Variants in ELF5 observed in about 807,000 individuals in gnomAD.
ELF5 encodes ETS-related transcription factor Elf-5.
In ELF5, 31 loss-of-function variants were observed where a neutral mutation model predicts 38.2. That is an observed-to-expected ratio of 0.81 (90% confidence interval 0.61 to 1.10). ELF5 has a LOEUF of 1.10. ELF5 is among the 50% of genes least tolerant of loss of function. The pLI, the probability that ELF5 is intolerant of heterozygous loss-of-function variation, is 0.00. For synonymous variants in ELF5, 121 were observed against 112.5 expected (o/e 1.08, Z -0.48); for missense variants, 300 against 306.6 (o/e 0.98, Z 0.16).
chr11:34,500,239 A>G (rs551401258), intron 2 of ELF5, among the ~76,000 whole-genome samples: 1 of 152,322 alleles, frequency 6.6e-6, no homozygotes, highest in African/African-American at 2.4e-5. Flanking sequence ...ATTTACTAGC[A>G]TAGGGAGTTG....
chr11:34,511,610 C>G (rs751705400), intron 1 of ELF5: 1 of 1,613,824 alleles, frequency 6.2e-7, no homozygotes, highest in South Asian at 1.1e-5. Context: ...GCTTCTGAAC[C>G]CTTCTCAGAG....
intron 1 of ELF5, among the ~76,000 whole-genome samples, chr11:34,506,541 A>G (rs891705083): frequency 1.3e-5 from 2 of 152,158 alleles, no homozygotes; most frequent in Non-Finnish European, 2.9e-5. Flanking sequence ...AAAAGATGTA[A>G]TCCTGCTCTG....
At chr11:34,508,082 C>T (rs748686589) in intron 1 of ELF5, among the ~76,000 whole-genome samples, 7 of 152,118 alleles carry the variant, frequency 4.6e-5, no homozygotes, top group Non-Finnish European at 7.4e-5. Context: ...TTTAAACATA[C>T]ATAAAAATAA....
At chr11:34,510,256 C>G (rs764587544) in intron 1 of ELF5, among the ~76,000 whole-genome samples, 6 of 150,704 alleles carry the variant, frequency 4.0e-5, no homozygotes, top group Non-Finnish European at 8.9e-5. Context: ...TATTTTTCTT[C>G]TGTAATTATT....
At chr11:34,495,521 A>G (rs1453767545) in intron 2 of ELF5, among the ~76,000 whole-genome samples, 1 of 152,204 alleles carries the variant, frequency 6.6e-6, no homozygotes, top group Non-Finnish European at 1.5e-5. Context: ...GGGCTATTCC[A>G]CAAAAAAGGA....
At chr11:34,480,641 G>T (rs1489413900) in intron 6 of ELF5, 131 bp downstream of exon 6, 2 of 1,025,326 alleles carry the variant, frequency 2.0e-6, no homozygotes, top group Non-Finnish European at 2.8e-6. Context: ...CTGTAACTAA[G>T]AACCAAAGTT....
intron 2 of ELF5, among the ~76,000 whole-genome samples, chr11:34,495,727 G>A (rs1405279268): frequency 3.3e-5 from 5 of 152,246 alleles, no homozygotes; most frequent in Non-Finnish European, 7.3e-5. Flanking sequence ...GAAGAGCCAG[G>A]GAGCCGGTGA....
chr11:34,489,131 G>A (rs1256288670), intron 4 of ELF5, among the ~76,000 whole-genome samples: 4 of 152,234 alleles, frequency 2.6e-5, no homozygotes, highest in African/African-American at 9.6e-5. Flanking sequence ...TCCACGAACT[G>A]GCCATTCCTG....
In ELF5 at chr11:34,505,405, C is replaced by T. The variant is rs111462322; in HGVS notation, c.121+224G>A. Among the ~76,000 whole-genome samples the T allele has an allele frequency of 2.6e-3, 402 of 152,344 alleles. 1 individual carries two copies. Among genetic ancestry groups the T allele is most frequent in the Non-Finnish European group, 4.4e-3 (301 of 68,026 alleles). On this transcript the variant is annotated intron_variant, in intron 2 of 6. Coordinates refer to ENST00000257832, the MANE Select transcript of ELF5 (RefSeq NM_001422.4). ...TCAGAGAGGTTAGCTGAGCCGTGCA[C>T]GGCCTCGAGGCCACAGAACTAGGGA...
chr11:34,487,478 C>G (rs1850030743), intron 4 of ELF5, among the ~76,000 whole-genome samples: 1 of 152,196 alleles, frequency 6.6e-6, no homozygotes, highest in Non-Finnish European at 1.5e-5. Context: ...GCAGGAGCAT[C>G]CTGGCTAGAC....
intron 2 of ELF5, among the ~76,000 whole-genome samples, chr11:34,499,070 G>A (rs997757752): frequency 1.3e-5 from 2 of 151,178 alleles, no homozygotes; most frequent in African/African-American, 4.9e-5. Flanking sequence ...CAGCCTGGGT[G>A]ATAGGACGGA....
intron 2 of ELF5, among the ~76,000 whole-genome samples, chr11:34,495,901 G>T (rs191068361): frequency 1.3e-5 from 2 of 152,222 alleles, no homozygotes; most frequent in African/African-American, 4.8e-5. Context: ...AAACCTGAGG[G>T]GCCTTTTGGA....
At chr11:34,483,057 G>A (rs1044638111) in intron 4 of ELF5, among the ~76,000 whole-genome samples, 3 of 151,824 alleles carry the variant, frequency 2.0e-5, no homozygotes, top group African/African-American at 7.3e-5. Flanking sequence ...CGTCTCCACC[G>A]CTTCTCTTAG....
chr11:34,499,209 C>T (rs970106730), intron 2 of ELF5, among the ~76,000 whole-genome samples: 4 of 152,114 alleles, frequency 2.6e-5, no homozygotes, highest in East Asian at 1.9e-4. Flanking sequence ...TTTCTTGGAG[C>T]CTCACTCAAA....
chr11:34,493,097 G>C, intron 3 of ELF5: 1 of 359,488 alleles, frequency 2.8e-6, no homozygotes, highest in Non-Finnish European at 5.1e-6. Flanking sequence ...AAAAGGGAAG[G>C]TAGTCTATTT....
chr11:34,502,284 G>A (rs966915607), intron 2 of ELF5, among the ~76,000 whole-genome samples: 3 of 152,230 alleles, frequency 2.0e-5, no homozygotes, highest in African/African-American at 7.2e-5. Context: ...ATCTTTAGGA[G>A]GGCCCAGAAT....
At chr11:34,506,971 G>A (rs1015617636) in intron 1 of ELF5, among the ~76,000 whole-genome samples, 4 of 152,078 alleles carry the variant, frequency 2.6e-5, no homozygotes, top group Admixed American at 2.0e-4. Flanking sequence ...GTCCTGAATT[G>A]ATGTTATATA....
chr11:34,510,719 A>G (rs1353423224), intron 1 of ELF5, among the ~76,000 whole-genome samples: 1 of 152,214 alleles, frequency 6.6e-6, no homozygotes, highest in Non-Finnish European at 1.5e-5. Flanking sequence ...GTGTTTTATC[A>G]TGCTCCAAAG....
chr11:34,499,765 G>A (rs907231604), intron 2 of ELF5, among the ~76,000 whole-genome samples: 1 of 152,162 alleles, frequency 6.6e-6, no homozygotes, highest in Admixed American at 6.5e-5. Context: ...CCCAGCCAAT[G>A]AGCCTGTTGG....
Sources: gnomAD v4.1 joint callset for allele counts (sites outside exome capture counted in the v4.1 genomes callset) on GRCh38, gnomAD v4.1.1 for gene constraint, MANE v1.5 for transcripts, NCBI Gene and HGNC (gene_info 2026-07-23, HGNC 2026-07-21) for gene names.